Variants in CARD14 observed in about 807,000 individuals in gnomAD.
The protein encoded by CARD14 is caspase recruitment domain family member 14.
CARD14 carries 107 observed loss-of-function variants against 111.5 expected under a neutral mutation model. The ratio of observed to expected loss-of-function variants is 0.96; its 90% CI spans 0.82 to 1.13. CARD14 has a LOEUF of 1.13. Ranked by LOEUF, CARD14 falls within the 50% of genes most tolerant of loss-of-function variation. The probability of loss-of-function intolerance (pLI) is 0.00; values close to 1 mark genes in which losing one functional copy is unlikely to be tolerated. For synonymous variants in CARD14, 617 were observed against 579.6 expected, an observed-to-expected ratio of 1.06 and a Z score of -0.93; for missense variants, 1,322 against 1,362.3, an observed-to-expected ratio of 0.97 and a Z score of 0.47.
Position 80,195,539 on chromosome 17 carries a change from T to C in CARD14, c.1500-19T>C, listed in dbSNP as rs1190653879. ...AGCAGGTGATGCAGTTTGAGCCTGC[T>C]GCTGCTTATGCTTTGCAGCAGCTGC... On this transcript the variant is annotated intron_variant, in intron 13 of 23. Transcript: ENST00000648509. This position sits in a 1 kb window ranked among gnomAD's most constrained non-coding sequence, Gnocchi z 4.7. 6.2e-7 allele frequency: 1 copy of C among 1,603,750 alleles called. No individual in the cohort carries two copies. Among genetic ancestry groups the C allele is most frequent in the South Asian group, 1.1e-5 (1 of 90,040 alleles).
At chr17:80,173,668 G>A (rs538914387) in intron 2 of CARD14, among the ~76,000 whole-genome samples, 2 of 150,534 alleles carry the variant, frequency 1.3e-5, no homozygotes, top group Non-Finnish European at 1.5e-5. Context: ...GCACAATCTC[G>A]GCTCACTGCA....
chr17:80,208,287 G>T lies in CARD14; in HGVS notation c.2957G>T (p.Arg986Leu), dbSNP rs748377540. The T allele has an allele frequency of 1.9e-6, 3 of 1,601,284 alleles. No individual in the cohort carries two copies. Among genetic ancestry groups the T allele is most frequent in the Non-Finnish European group, 2.6e-6 (3 of 1,175,404 alleles). Reference protein sequence around the residue: ...SDLDGLLSCVRQAIADEQKKV... With the variant: ...SDLDGLLSCVLQAIADEQKKV... ...CTGGACGGCCTGCTCAGCTGTGTCC[G>T]CCAGGCCATCGCCGACGAGCAGAAG... is the stretch of plus-strand genomic sequence containing the variant. The change falls in exon 24 of 24, where the codon CGC becomes CTC. Residue 986 changes from arginine to leucine, a missense_variant. Arg to Leu is a moderately radical substitution (Grantham distance 102, BLOSUM62 -2). Coordinates refer to ENST00000648509, the MANE Select transcript of CARD14 (RefSeq NM_001366385.1).
intron 2 of CARD14, among the ~76,000 whole-genome samples, chr17:80,178,059 C>A (rs1217474256): frequency 6.6e-6 from 1 of 152,170 alleles, no homozygotes; most frequent in African/African-American, 2.4e-5. Context: ...GGACTGAGAT[C>A]AGAAGGAATG....
In CARD14 at chr17:80,205,216, GC is replaced by G; in HGVS notation, c.2569+13del. On this transcript the variant is annotated intron_variant, in intron 21 of 23. Transcript: ENST00000648509. ...AGAAGTGCCTGGCAGGTATGCTGTT[GC>G]CTGGGAATCCCTCTACCCCTTCCAC... The G allele has an allele frequency of 6.2e-7, 1 of 1,606,232 alleles. No homozygotes were observed. Among genetic ancestry groups the G allele is most frequent in the East Asian group, 2.2e-5 (1 of 44,770 alleles).
chr17:80,174,775 C>G (rs1484566154), intron 2 of CARD14, among the ~76,000 whole-genome samples: 2 of 152,122 alleles, frequency 1.3e-5, no homozygotes, highest in Non-Finnish European at 2.9e-5. Flanking sequence ...GCTGAGGACT[C>G]CCAGGGAAGC....
chr17:80,201,739 C>T lies in CARD14; in HGVS notation c.1852-5C>T. 6.2e-7 allele frequency: 1 copy of T among 1,613,974 alleles called. No homozygotes were observed. Among genetic ancestry groups the T allele is most frequent in the Non-Finnish European group, 8.5e-7 (1 of 1,179,952 alleles). On this transcript the variant is annotated splice_polypyrimidine_tract_variant and splice_region_variant and intron_variant, in intron 16 of 23. Transcript: ENST00000648509. This position sits in a 1 kb window ranked among gnomAD's most constrained non-coding sequence, Gnocchi z 5.0. ...AAGAGACTGACCTTCTCGACTTGCC[C>T]TCAGGTTGATTACGAAGCCTCAGAG...
rs2144636798 is a variant in CARD14, at chr17:80,208,149, AGCGGTTG to A, written c.2821_2827del (p.Arg941AlafsTer79). On this transcript the variant is annotated frameshift_variant, in exon 24 of 24. Transcript: ENST00000648509. LOFTEE classifies it low-confidence loss of function (END_TRUNC). ...TCTGGCCTGTGCAGGAAGGGCCTAC[AGCGGTTG>A]GGCACCTCAGAGGAGCAGCTCCTGG... 1.9e-6 allele frequency: 3 copies of A among 1,542,898 alleles called. No individual in the cohort carries two copies. The highest frequency in any genetic ancestry group is 2.6e-6 in the Non-Finnish European group (3 of 1,142,550).
intron 7 of CARD14, among the ~76,000 whole-genome samples, chr17:80,186,694 G>A (rs1337517679): frequency 3.3e-5 from 5 of 152,052 alleles, no homozygotes; most frequent in South Asian, 2.1e-4. Context: ...GATTATAGGC[G>A]CGCACCACCA....
At chr17:80,196,035 A>G (rs1773732253) in intron 14 of CARD14, 1 of 183,072 alleles carries the variant, frequency 5.5e-6, no homozygotes, top group Non-Finnish European at 1.1e-5. Flanking sequence ...GCACAGCGTG[A>G]CATCTACCTG....
intron 11 of CARD14, among the ~76,000 whole-genome samples, chr17:80,191,890 C>T (rs1040520443): frequency 2.0e-5 from 3 of 152,324 alleles, no homozygotes; most frequent in East Asian, 1.9e-4. Flanking sequence ...CTACATGTAA[C>T]GGAGGGAGCG....
rs146882682 is a variant in CARD14, at chr17:80,195,220, G to A, written c.1386G>A (p.Thr462=). The change falls in exon 13 of 24, where the codon ACG becomes ACA. Residue 462 remains threonine, a synonymous_variant. Transcript: ENST00000648509. This position sits in a 1 kb window ranked among gnomAD's most constrained non-coding sequence, Gnocchi z 4.7. ...AGCTCTTGTCGGACCTGAGTGCCAC[G>A]TCCAGCCGCGAGCTGGTGGACAGCT... ...ESQLLSDLSA[T]SSRELVDSFR... is the part of the protein sequence containing the mutation. 119 of 1,610,850 alleles carry A rather than the reference G, an allele frequency of 7.4e-5. No individual in the cohort carries two copies. The African/African-American group carries it at 1.0e-3, about 14-fold the overall frequency.
intron 12 of CARD14, among the ~76,000 whole-genome samples, chr17:80,194,854 G>A (rs1034794049): frequency 5.9e-5 from 9 of 152,166 alleles, no homozygotes; most frequent in African/African-American, 1.9e-4. Context: ...AATTCAAGGC[G>A]AGATTTGAGT....
At chr17:80,177,839 C>T (rs1245206081) in intron 2 of CARD14, among the ~76,000 whole-genome samples, 1 of 152,156 alleles carries the variant, frequency 6.6e-6, no homozygotes, top group African/African-American at 2.4e-5. Context: ...CCACCACACC[C>T]AGCCCTTCTC....
At position 80,207,011 on chromosome 17, in the gene CARD14, C is replaced by T. The variant is rs773673818; in HGVS notation, c.2733C>T (p.Cys911=). The part of the protein sequence containing the change: ...ALLDVQLDSV[C]TLHRMDIFPI... ...TGGACGTCCAGCTGGACAGTGTCTG[C>T]ACCCTGCACAGGATGGACATCTTCC... The change falls in exon 23 of 24, where the codon TGC becomes TGT. Residue 911 remains cysteine (C), a synonymous_variant. Coordinates refer to ENST00000648509, the MANE Select transcript of CARD14 (RefSeq NM_001366385.1). 1.9e-6 allele frequency: 3 copies of T among 1,613,932 alleles called. No individual in the cohort carries two copies. In the South Asian group the frequency reaches 3.3e-5, roughly 18 times the overall value.
chr17:80,188,218 T>C lies in CARD14; in HGVS notation c.676-159T>C, dbSNP rs927392856. 2.8e-6 allele frequency: 2 copies of C among 723,372 alleles called. No individual in the cohort carries two copies. Among genetic ancestry groups the C allele is most frequent in the Non-Finnish European group, 4.2e-6 (2 of 479,636 alleles). The allele number at this position is 723,372 out of a possible 1,614,324, so 44.8% of individuals were successfully genotyped here. ...AGCCCCAGTTGAATATTTGGGACTA[T>C]TCATTAGGTGAACCCTTTCGTGGGT... is the stretch of plus-strand genomic sequence containing the variant. On this transcript the variant is annotated intron_variant, in intron 7 of 23. Transcript: ENST00000648509. This position sits in a 1 kb window ranked among gnomAD's most constrained non-coding sequence, Gnocchi z 4.5.
chr17:80,174,450 C>T (rs764416507), intron 2 of CARD14, among the ~76,000 whole-genome samples: 3 of 151,970 alleles, frequency 2.0e-5, no homozygotes, highest in East Asian at 1.9e-4. Context: ...TGACCTCAGG[C>T]GACCTGCCCG....
Position 80,189,925 on chromosome 17 carries a change from G to A in CARD14, c.963+53G>A, listed in dbSNP as rs112722215. ...GACTCTCCTGGGGCTTGTCTCAGGGGTGCGGACAGGTCTGTGGGGAAGCCA... is the reference window on the plus strand; with the variant it reads ...GACTCTCCTGGGGCTTGTCTCAGGGATGCGGACAGGTCTGTGGGGAAGCCA... On this transcript the variant is annotated intron_variant, in intron 9 of 23. Transcript: ENST00000648509. The surrounding 1 kb of genome is among the most constrained non-coding windows in gnomAD (Gnocchi z 4.7). 1.4e-5 allele frequency: 22 copies of A among 1,556,370 alleles called. No individual in the cohort carries two copies. Among genetic ancestry groups the A allele is most frequent in the Middle Eastern group, 3.4e-4 (2 of 5,894 alleles).
In CARD14 at chr17:80,181,914, C is replaced by T. The variant is rs551242270; in HGVS notation, c.211+265C>T. ...TGAAGGGGAACCACCATTCACACCA[C>T]TACAGCTGTCTTTGGAGTCCATTCT... On this transcript the variant is annotated intron_variant, in intron 5 of 23. Transcript: ENST00000648509. Among the ~76,000 whole-genome samples, 49 of 152,340 alleles carry T rather than the reference C, an allele frequency of 3.2e-4. 1 individual carries two copies. In the South Asian group the frequency reaches 9.3e-3, roughly 29 times the overall value.
chr17:80,182,931 T>G lies in CARD14; in HGVS notation c.349+141T>G. The G allele has an allele frequency of 9.8e-7, 1 of 1,018,536 alleles. No homozygotes were observed. Among genetic ancestry groups the G allele is most frequent in the East Asian group, 2.5e-5 (1 of 40,162 alleles). The allele number at this position is 1,018,536 out of a possible 1,614,324, so 63.1% of individuals were successfully genotyped here. A position where few individuals can be genotyped will look rare whatever the true frequency, so the allele number is the denominator to read the frequency against. On this transcript the variant is annotated intron_variant, in intron 6 of 23. Transcript: ENST00000648509. This position sits in a 1 kb window ranked among gnomAD's most constrained non-coding sequence, Gnocchi z 4.7. Reference sequence around the variant, plus strand: ...GCAGTTCCTGTCCCAGCCCCAGCACTCTGAGGGTGAGGAACCCCCTCACTG... The same window carrying G: ...GCAGTTCCTGTCCCAGCCCCAGCACGCTGAGGGTGAGGAACCCCCTCACTG...
Sources: allele counts gnomAD v4.1 joint callset (sites outside exome capture counted in the v4.1 genomes callset), GRCh38; gene constraint gnomAD v4.1.1; non-coding constraint Gnocchi (gnomAD v3.1); transcripts MANE v1.5; gene names NCBI Gene and HGNC (gene_info 2026-07-23, HGNC 2026-07-21).